SCFD2: variants seen among roughly 807,000 people sequenced by gnomAD.
The protein encoded by SCFD2 is sec1 family domain containing 2, also known as sec1 family domain-containing protein 2.
SCFD2 carries 54 observed loss-of-function variants against 58.9 expected under a neutral mutation model. The ratio of observed to expected loss-of-function variants is 0.92; its 90% confidence interval spans 0.74 to 1.15. SCFD2 has a LOEUF of 1.15. Among genes scored for constraint, SCFD2 ranks in the 50% most tolerant of loss-of-function variants. The probability of loss-of-function intolerance (pLI) is 0.00; values close to 1 mark genes in which losing one functional copy is unlikely to be tolerated. For missense variants in SCFD2, 805 were observed against 836.6 expected, an observed-to-expected ratio of 0.96 and a Z score of 0.47; for synonymous variants, 321 against 335.9, an observed-to-expected ratio of 0.96 and a Z score of 0.49.
In SCFD2 at chr4:53,108,948, A is replaced by G. The variant is rs113339195; in HGVS notation, c.1561+36385T>C. Among the ~76,000 whole-genome samples, 481 of 152,330 alleles carry G rather than the reference A, an allele frequency of 3.2e-3. 1 individual carries two copies. Among genetic ancestry groups the G allele is most frequent in the African/African-American group, 0.011 (447 of 41,574 alleles). On this transcript the variant is annotated intron_variant, in intron 5 of 8. Transcript: ENST00000401642. ...GTTCAGGCCAATATCCCTGATGAAC[A>G]TCGATGAGAAAATCCTCAATAAAAT...
At chr4:53,250,028 C>T (rs752148253) in intron 4 of SCFD2, among the ~76,000 whole-genome samples, 1 of 152,030 alleles carries the variant, frequency 6.6e-6, no homozygotes, top group Non-Finnish European at 1.5e-5. Context: ...GAGTCAAGAC[C>T]CATCAGTGTG....
chr4:53,145,466 T>C lies in SCFD2; in HGVS notation c.1428A>G (p.Ile476Met), dbSNP rs1446252293. The stretch of plus-strand genomic sequence containing the variant: ...GCTCTCCAGTGACAGAATAAATATA[T>C]ATGAGAAGGATCAGCAGTTCCTCAG... ...YSPEELLILL[I>M]YIYSVTGELT... The change falls in exon 5 of 9, where the codon ATA becomes ATG. Residue 476 changes from isoleucine (I) to methionine (M), a missense_variant. Transcript: ENST00000401642. The C allele has an allele frequency of 1.1e-5, 18 of 1,613,986 alleles. No homozygotes were observed. The highest frequency in any genetic ancestry group is 1.5e-5 in the Non-Finnish European group (18 of 1,180,022).
intron 4 of SCFD2, among the ~76,000 whole-genome samples, chr4:53,176,095 T>C (rs1727319610): frequency 6.6e-6 from 1 of 152,228 alleles, no homozygotes; most frequent in African/African-American, 2.4e-5. Context: ...TGAGAAAGTG[T>C]TCTCAATGTT....
At chr4:53,007,177 A>G (rs1721987036) in intron 5 of SCFD2, among the ~76,000 whole-genome samples, 1 of 151,584 alleles carries the variant, frequency 6.6e-6, no homozygotes, top group African/African-American at 2.4e-5. Context: ...GCCACTCAGA[A>G]GGCTGAGGGG....
At chr4:53,191,942 T>G (rs1727926864) in intron 4 of SCFD2, among the ~76,000 whole-genome samples, 1 of 152,158 alleles carries the variant, frequency 6.6e-6, no homozygotes, top group South Asian at 2.1e-4. Flanking sequence ...AAAGATAAGT[T>G]TAGCCCTGGC....
intron 5 of SCFD2, among the ~76,000 whole-genome samples, chr4:52,944,079 T>G (rs1204198790): frequency 1.3e-5 from 2 of 152,210 alleles, no homozygotes; most frequent in Non-Finnish European, 2.9e-5. Flanking sequence ...TTAATGGGCC[T>G]TATTGAATGA....
At chr4:53,184,246 G>C (rs1727675660) in intron 4 of SCFD2, among the ~76,000 whole-genome samples, 1 of 152,072 alleles carries the variant, frequency 6.6e-6, no homozygotes, top group African/African-American at 2.4e-5. Flanking sequence ...TTTCCCACCA[G>C]TCCTTGCAAC....
At chr4:53,299,870 T>C (rs182069698) in intron 3 of SCFD2, among the ~76,000 whole-genome samples, 6 of 152,204 alleles carry the variant, frequency 3.9e-5, no homozygotes, top group African/African-American at 1.4e-4. Flanking sequence ...GAACGAGAAA[T>C]AAAATCCTTT....
At chr4:52,930,943 T>A (rs1056541744) in intron 5 of SCFD2, among the ~76,000 whole-genome samples, 1 of 152,172 alleles carries the variant, frequency 6.6e-6, no homozygotes, top group African/African-American at 2.4e-5. Flanking sequence ...GAAAATCAGA[T>A]CTCTCACAGC....
At chr4:53,255,550 A>T (rs888849794) in intron 4 of SCFD2, among the ~76,000 whole-genome samples, 10 of 152,094 alleles carry the variant, frequency 6.6e-5, no homozygotes, top group Admixed American at 6.5e-4. Context: ...GATCAACAGG[A>T]TCCCAAGGCA....
At chr4:53,310,243 T>C (rs532549432) in intron 3 of SCFD2, among the ~76,000 whole-genome samples, 7 of 152,232 alleles carry the variant, frequency 4.6e-5, no homozygotes, top group Non-Finnish European at 8.8e-5. Flanking sequence ...CATAGAACAC[T>C]CTTTCAAGAA....
chr4:53,212,471 A>AAATAAAT (rs1553887104), intron 4 of SCFD2, among the ~76,000 whole-genome samples: 29 of 148,134 alleles, frequency 2.0e-4, no homozygotes, highest in African/African-American at 5.5e-4. Flanking sequence ...AAGAAAGCAA[A>AAATAAAT]AAATAAATAA....
At chr4:52,965,743 A>C (rs1338131125) in intron 5 of SCFD2, among the ~76,000 whole-genome samples, 1 of 152,162 alleles carries the variant, frequency 6.6e-6, no homozygotes, top group Non-Finnish European at 1.5e-5. Flanking sequence ...ACCTGCCATG[A>C]CTTGGTTTCA....
chr4:53,214,445 A>C (rs1728739732), intron 4 of SCFD2, among the ~76,000 whole-genome samples: 3 of 152,104 alleles, frequency 2.0e-5, no homozygotes, highest in Non-Finnish European at 4.4e-5. Context: ...TTGTCTGCAT[A>C]AATGTCTTCT....
chr4:52,916,028 A>G (rs1013860941), intron 6 of SCFD2, among the ~76,000 whole-genome samples: 1 of 152,204 alleles, frequency 6.6e-6, no homozygotes, highest in Non-Finnish European at 1.5e-5. Context: ...AAAGTACAGT[A>G]TGTGTCTGTG....
intron 4 of SCFD2, among the ~76,000 whole-genome samples, chr4:53,223,981 C>T (rs1048420726): frequency 2.6e-5 from 4 of 152,146 alleles, no homozygotes; most frequent in African/African-American, 9.6e-5. Flanking sequence ...CTTTGCTTCT[C>T]CTCCCCTTGG....
chr4:52,898,675 G>C (rs1719093627), intron 7 of SCFD2, among the ~76,000 whole-genome samples: 1 of 152,170 alleles, frequency 6.6e-6, no homozygotes. Context: ...AGGTCTGCTT[G>C]GTGCAGAGCT....
At chr4:53,178,664 G>A (rs183347460) in intron 4 of SCFD2, among the ~76,000 whole-genome samples, 11 of 152,348 alleles carry the variant, frequency 7.2e-5, no homozygotes, top group Non-Finnish European at 1.3e-4. Flanking sequence ...ACTTTGACGA[G>A]TTGAGAGAAG....
intron 4 of SCFD2, among the ~76,000 whole-genome samples, chr4:53,229,584 C>T (rs1043397865): frequency 1.3e-5 from 2 of 152,192 alleles, no homozygotes; most frequent in African/African-American, 4.8e-5. Flanking sequence ...AGAACTGAAA[C>T]TGGATCCCTT....
Sources: gnomAD v4.1 joint callset for allele counts (sites outside exome capture counted in the v4.1 genomes callset) on GRCh38, gnomAD v4.1.1 for gene constraint, MANE v1.5 for transcripts, NCBI Gene and HGNC (gene_info 2026-07-23, HGNC 2026-07-21) for gene names.